PURG: variants seen among roughly 807,000 people sequenced by gnomAD.
PURG encodes purine rich element binding protein G, also known as purine-rich element-binding protein gamma.
PURG carries 3 observed loss-of-function variants against 24.3 expected under a neutral mutation model. The ratio of observed to expected loss-of-function variants is 0.12; its 90% CI spans 0.06 to 0.32. The LOEUF is 0.32. Ranked by LOEUF, PURG falls within the 10% of genes least tolerant of loss-of-function variation. The pLI, the probability that PURG is intolerant of heterozygous loss-of-function variation, is 1.00. For synonymous variants in PURG, 180 were observed against 173.1 expected (o/e 1.04, Z -0.31); for missense variants, 371 against 439.1 (o/e 0.84, Z 1.39).
At chr8:31,016,810 T>G (rs1810881651) in intron 1 of PURG, among the ~76,000 whole-genome samples, 1 of 152,116 alleles carries the variant, frequency 6.6e-6, no homozygotes, top group Non-Finnish European at 1.5e-5. Context: ...ATCACTGGAC[T>G]AAATTTTAAA....
Position 31,033,255 on chromosome 8 carries a change from C to T in PURG, c.-184G>A, listed in dbSNP as rs1321786228. ...CCGGGCAGGGGCATCGCCCGCGGCG[C>T]CCACCGCAGCCGCCCCTCCTGCGGC... is the stretch of plus-strand genomic sequence containing the variant. On this transcript the variant is annotated 5_prime_UTR_variant, in exon 1 of 2. Transcript: ENST00000523392. 1 of 168,924 alleles carries T rather than the reference C, an allele frequency of 5.9e-6. No homozygotes were observed. The highest frequency in any genetic ancestry group is 1.3e-5 in the Non-Finnish European group (1 of 79,810). 10.5% of individuals were successfully genotyped at this position (168,924 alleles called of 1,614,324 possible).
downstream of PURG, among the ~76,000 whole-genome samples, chr8:31,030,446 G>A (rs2251621): frequency 0.057 from 8,674 of 152,040 alleles, 525 homozygotes; most frequent in East Asian, 0.24. Context: ...ATATCCACTT[G>A]TTTAAAAAAT....
Position 31,033,148 on chromosome 8 carries a change from C to A in PURG, c.-77G>T. The A allele has an allele frequency of 4.6e-6, 1 of 219,688 alleles. No homozygotes were observed. The allele number at this position is 219,688 out of a possible 1,614,324, so 13.6% of individuals were successfully genotyped here. On this transcript the variant is annotated 5_prime_UTR_variant, in exon 1 of 2. Coordinates refer to ENST00000523392, the MANE Select transcript of PURG (RefSeq NM_001323311.2). ...CGCCGCCGCCACCGCCAGCTCTCGG[C>A]CCCTCTGCTGCAGCCGCCGCAGCCG...
chr8:31,030,401 A>G (rs927499796), downstream of PURG, among the ~76,000 whole-genome samples: 1 of 152,018 alleles, frequency 6.6e-6, no homozygotes, highest in African/African-American at 2.4e-5. Context: ...ATTTCAGTCA[A>G]TTAATACAGG....
intron 1 of PURG, among the ~76,000 whole-genome samples, chr8:31,020,714 A>G (rs2129824340): frequency 6.6e-6 from 1 of 152,334 alleles, no homozygotes; most frequent in Non-Finnish European, 1.5e-5. Context: ...AGGCAGAAGA[A>G]GGAGTAGCTC....
chr8:31,011,287 C>T (rs912859859), intron 1 of PURG, among the ~76,000 whole-genome samples: 1 of 152,194 alleles, frequency 6.6e-6, no homozygotes, highest in Non-Finnish European at 1.5e-5. Context: ...GAAATCATCG[C>T]AGTCTTTTAC....
At position 31,031,718 on chromosome 8, in the gene PURG, C is replaced by T. The variant is rs1811208863; in HGVS notation, c.*21G>A. The T allele has an allele frequency of 6.6e-7, 1 of 1,523,114 alleles. No homozygotes were observed. The highest frequency in any genetic ancestry group is 2.5e-5 in the East Asian group (1 of 40,754). 94.3% of individuals were successfully genotyped at this position (1,523,114 alleles called of 1,614,324 possible). A position where few individuals can be genotyped will look rare whatever the true frequency, so the allele number is the denominator to read the frequency against. ...GCCAATTTGTGATTTTAAATTTTGC[C>T]TGATGGAGTTCAATTTCACTCTAGT... On this transcript the variant is annotated 3_prime_UTR_variant, in exon 2 of 2. Transcript: ENST00000523392.
intron 1 of PURG, among the ~76,000 whole-genome samples, chr8:31,015,906 C>T (rs187005679): frequency 2.0e-5 from 3 of 151,680 alleles, no homozygotes; most frequent in Non-Finnish European, 4.4e-5. Flanking sequence ...AAAAAAAATT[C>T]GCCAGGCATG....
At chr8:31,007,505 T>G (rs1165175381) in intron 1 of PURG, among the ~76,000 whole-genome samples, 1 of 152,204 alleles carries the variant, frequency 6.6e-6, no homozygotes. Context: ...ACAAATATTC[T>G]GAATGACGTC....
rs540061961 is a variant in PURG at position 30,996,787 on chromosome 8, C to T, written c.865-90G>A. The stretch of plus-strand genomic sequence containing the variant: ...CACAGTACAAACCCATAATTAATCT[C>T]GTTGAAAACCTTTCTGTTAGAAAGC... On this transcript the variant is annotated intron_variant, in intron 1 of 1. Coordinates refer to the PURG transcript ENST00000339382. 4.5e-5 allele frequency: 44 copies of T among 973,202 alleles called. No homozygotes were observed. In the East Asian group the frequency reaches 5.6e-4, roughly 12 times the overall value. 60.3% of individuals were successfully genotyped at this position (973,202 alleles called of 1,614,324 possible). A position where few individuals can be genotyped will look rare whatever the true frequency, so the allele number is the denominator to read the frequency against.
downstream of PURG, among the ~76,000 whole-genome samples, chr8:31,029,998 G>A (rs1488728768): frequency 6.6e-6 from 1 of 151,876 alleles, no homozygotes; most frequent in Non-Finnish European, 1.5e-5. Flanking sequence ...GCTACTAGAG[G>A]AAATGTGAAA....
intron 1 of PURG, among the ~76,000 whole-genome samples, chr8:31,004,679 A>C (rs1810608255): frequency 6.6e-6 from 1 of 152,236 alleles, no homozygotes; most frequent in African/African-American, 2.4e-5. Context: ...TCTCAAAAAA[A>C]AACAAAACAA....
At chr8:31,017,456 A>G (rs987202052) in intron 1 of PURG, among the ~76,000 whole-genome samples, 1 of 152,064 alleles carries the variant, frequency 6.6e-6, no homozygotes, top group Non-Finnish European at 1.5e-5. Context: ...AAGGGTATGT[A>G]ATATTTATCT....
In PURG at chr8:31,032,456, C is replaced by T; in HGVS notation, c.327G>A (p.Leu109=). The T allele has an allele frequency of 1.2e-6, 2 of 1,614,202 alleles. No individual in the cohort carries two copies. The highest frequency in any genetic ancestry group is 1.3e-5 in the African/African-American group (1 of 75,072). ...AGTCCTTCAGCTCCGCTGCCACAGA[C>T]AGGGAGAGGGTCAGTTTACTCTTTC... ...NIRKSKLTLS[L]SVAAELKDCL... The change falls in exon 2 of 2, where the codon CTG becomes CTA. Residue 109 remains leucine, a synonymous_variant. Coordinates refer to ENST00000523392, the MANE Select transcript of PURG (RefSeq NM_001323311.2). This position sits in a 1 kb window ranked among gnomAD's most constrained non-coding sequence, Gnocchi z 5.9.
At chr8:31,029,651 C>T (rs913601564), downstream of PURG, among the ~76,000 whole-genome samples, 4 of 151,528 alleles carry the variant, frequency 2.6e-5, no homozygotes, top group Admixed American at 1.3e-4. Context: ...ATAGCAATAG[C>T]GATAGGAACA....
rs756150951 is a variant in PURG, at chr8:31,032,303, C to T, written c.480G>A (p.Ser160=). 5.0e-6 allele frequency: 8 copies of T among 1,612,712 alleles called. No homozygotes were observed. Among genetic ancestry groups the T allele is most frequent in the African/African-American group, 1.3e-5 (1 of 75,038 alleles). The change falls in exon 2 of 2, where the codon TCG becomes TCA. Residue 160 remains serine (S), a synonymous_variant. Coordinates refer to ENST00000523392, the MANE Select transcript of PURG (RefSeq NM_001323311.2). This position sits in a 1 kb window ranked among gnomAD's most constrained non-coding sequence, Gnocchi z 5.9. ...TGTGAGGATGCTCTTCGGACCCCAC[C>T]GAGACTGGTGGGGAGGGTGCCGAGT... ...QKHSAPSPPV[S]VGSEEHPHSV...
At chr8:30,997,566 T>C (rs1358486061) in intron 1 of PURG, among the ~76,000 whole-genome samples, 1 of 151,654 alleles carries the variant, frequency 6.6e-6, no homozygotes, top group Non-Finnish European at 1.5e-5. Flanking sequence ...GTAAAACATT[T>C]AAAATTAGAG....
At chr8:31,024,390 A>C (rs1004424142) in intron 1 of PURG, among the ~76,000 whole-genome samples, 5 of 152,134 alleles carry the variant, frequency 3.3e-5, no homozygotes, top group African/African-American at 1.2e-4. Flanking sequence ...CATCTTTCAC[A>C]TGAGGAAATC....
At chr8:31,025,521 T>G (rs1313726914) in intron 1 of PURG, among the ~76,000 whole-genome samples, 2 of 152,020 alleles carry the variant, frequency 1.3e-5, no homozygotes, top group Non-Finnish European at 2.9e-5. Flanking sequence ...TACCAATCCA[T>G]GAAAAAATTC....
Sources: gnomAD v4.1 joint callset for allele counts (sites outside exome capture counted in the v4.1 genomes callset) on GRCh38, gnomAD v4.1.1 for gene constraint, Gnocchi (gnomAD v3.1) non-coding constraint, MANE v1.5 for transcripts, NCBI Gene and HGNC (gene_info 2026-07-23, HGNC 2026-07-21) for gene names.